Variants in DDR2 observed in about 807,000 individuals in gnomAD.
DDR2 encodes discoidin domain-containing receptor 2.
A neutral mutation model predicts 94.9 loss-of-function variants in DDR2; 27 were observed. The ratio of observed to expected loss-of-function variants is 0.28; its 90% CI spans 0.21 to 0.39. DDR2 has a LOEUF of 0.39. Ranked by LOEUF, DDR2 falls within the 10% of genes least tolerant of loss-of-function variation. DDR2 has a pLI of 1.00. For synonymous variants in DDR2, 382 were observed against 377.2 expected, an observed-to-expected ratio of 1.01 and a Z score of -0.15; for missense variants, 783 against 1,076.0, an observed-to-expected ratio of 0.73 and a Z score of 3.81.
intron 3 of DDR2, among the ~76,000 whole-genome samples, chr1:162,728,562 G>T (rs1661838000): frequency 6.6e-6 from 1 of 152,096 alleles, no homozygotes; most frequent in East Asian, 1.9e-4. Flanking sequence ...ATGATCAAAG[G>T]CCTTGTCTTC....
At position 162,780,403 on chromosome 1, in the gene DDR2, C is replaced by G. The variant is rs1295408978; in HGVS notation, c.*157C>G. The G allele has an allele frequency of 1.9e-6, 2 of 1,028,912 alleles. No homozygotes were observed. Among genetic ancestry groups the G allele is most frequent in the Non-Finnish European group, 2.8e-6 (2 of 712,198 alleles). 63.7% of individuals were successfully genotyped at this position (1,028,912 alleles called of 1,614,324 possible). ...TTTTCCTGGTCACCCCCACTCCCTA[C>G]CCCTGACTCATATACACTTTTTTTT... On this transcript the variant is annotated 3_prime_UTR_variant, in exon 18 of 18. Transcript: ENST00000367921.
In DDR2 at chr1:162,750,649, A is replaced by C. The variant is rs549307495; in HGVS notation, c.83-2446A>C. On this transcript the variant is annotated intron_variant, in intron 3 of 17. Transcript: ENST00000367921. The stretch of plus-strand genomic sequence containing the variant: ...TCACAGAATTGGAAAAAACTACTTT[A>C]AAGTTCATATGGAACCAAAAAAGAG... Among the ~76,000 whole-genome samples the C allele has an allele frequency of 1.1e-3, 171 of 152,340 alleles. 1 individual carries two copies. The Middle Eastern group carries it at 0.017, about 15-fold the overall frequency.
chr1:162,670,021 A>C (rs1658755985), intron 2 of DDR2, among the ~76,000 whole-genome samples: 1 of 139,042 alleles, frequency 7.2e-6, no homozygotes, highest in African/African-American at 2.9e-5. Context: ...AAAATTCCTG[A>C]AAAGAGTTTG....
intron 2 of DDR2, among the ~76,000 whole-genome samples, chr1:162,692,349 A>C (rs1236687739): frequency 6.6e-6 from 1 of 152,240 alleles, no homozygotes; most frequent in African/African-American, 2.4e-5. Context: ...ATTTATGTTT[A>C]TCAAAAGTCA....
chr1:162,703,596 G>C (rs1660526217), intron 2 of DDR2, among the ~76,000 whole-genome samples: 1 of 152,146 alleles, frequency 6.6e-6, no homozygotes, highest in Non-Finnish European at 1.5e-5. Context: ...ACCTACTATA[G>C]GTGAATTCAT....
rs987747246 is a variant in DDR2 at position 162,781,688 on chromosome 1, G to C, written c.*1442G>C. 6.6e-6 allele frequency: 1 copy of C among 152,170 alleles called. No individual in the cohort carries two copies. Among genetic ancestry groups the C allele is most frequent in the Non-Finnish European group, 1.5e-5 (1 of 68,042 alleles). 9.4% of individuals were successfully genotyped at this position (152,170 alleles called of 1,614,324 possible). The stretch of plus-strand genomic sequence containing the variant: ...GCAGAAAAGAAAGCTCAGGGCTGTG[G>C]CTTCAGAATTCATGGAAACAGAGCC... On this transcript the variant is annotated 3_prime_UTR_variant, in exon 18 of 18. Transcript: ENST00000367921.
chr1:162,671,191 C>G (rs914981603), intron 2 of DDR2, among the ~76,000 whole-genome samples: 1 of 152,000 alleles, frequency 6.6e-6, no homozygotes, highest in Admixed American at 6.6e-5. Context: ...AGGAGAAGGT[C>G]GTGGGGCACA....
chr1:162,712,650 A>G (rs182433325), intron 2 of DDR2, among the ~76,000 whole-genome samples: 8 of 152,216 alleles, frequency 5.3e-5, no homozygotes, highest in African/African-American at 1.9e-4. Context: ...TCAATTTGGA[A>G]TGTCCATCCA....
At chr1:162,741,214 T>TACAATACAATAC (rs1558057361) in intron 3 of DDR2, among the ~76,000 whole-genome samples, 6 of 88,432 alleles carry the variant, frequency 6.8e-5, no homozygotes, top group African/African-American at 2.7e-4. Context: ...CAATACAATA[T>TACAATACAATAC]AATATAATAT....
intron 2 of DDR2, among the ~76,000 whole-genome samples, chr1:162,682,278 G>A (rs907190586): frequency 6.6e-6 from 1 of 152,180 alleles, no homozygotes; most frequent in Non-Finnish European, 1.5e-5. Context: ...CACTTGGCCT[G>A]CCATTGATTT....
intron 9 of DDR2, among the ~76,000 whole-genome samples, chr1:162,764,392 T>TA (rs375251287): frequency 0.73 from 89,408 of 121,960 alleles, 32,797 homozygotes; most frequent in Middle Eastern, 0.86. Context: ...CAGAATGCTT[T>TA]AAAAAAAAAA....
In DDR2 at chr1:162,780,490, A is replaced by T. The variant is rs1647846710; in HGVS notation, c.*244A>T. The T allele has an allele frequency of 4.1e-6, 2 of 490,144 alleles. No individual in the cohort carries two copies. The highest frequency in any genetic ancestry group is 7.1e-6 in the Non-Finnish European group (2 of 280,158). The allele number at this position is 490,144 out of a possible 1,614,324, so 30.4% of individuals were successfully genotyped here. On this transcript the variant is annotated 3_prime_UTR_variant, in exon 18 of 18. Transcript: ENST00000367921. ...AGCCTAGGGCAGATACAATCTAGTA[A>T]AAGAAAATCTTTGATATACCAAAGT...
intron 2 of DDR2, among the ~76,000 whole-genome samples, chr1:162,660,890 G>C (rs1190663156): frequency 6.6e-6 from 1 of 152,218 alleles, no homozygotes; most frequent in African/African-American, 2.4e-5. Context: ...AGTTGTAAAG[G>C]AGACTGCATG....
intron 10 of DDR2, among the ~76,000 whole-genome samples, chr1:162,766,531 C>T (rs1663996454): frequency 6.6e-6 from 1 of 152,216 alleles, no homozygotes; most frequent in Non-Finnish European, 1.5e-5. Context: ...GGACTTTCAG[C>T]TACCTTGGCA....
intron 2 of DDR2, among the ~76,000 whole-genome samples, chr1:162,703,604 C>A: frequency 6.6e-6 from 1 of 152,136 alleles, no homozygotes; most frequent in Non-Finnish European, 1.5e-5. Context: ...TAGGTGAATT[C>A]ATGAATATTT....
intron 17 of DDR2, 74 bp from the exon 18 acceptor site, chr1:162,780,038 A>G (rs2102210631): frequency 6.3e-7 from 1 of 1,593,712 alleles, no homozygotes; most frequent in East Asian, 2.2e-5. Flanking sequence ...ATGCAAAGAT[A>G]CTTCCCTTTC....
intron 3 of DDR2, among the ~76,000 whole-genome samples, chr1:162,725,391 T>C (rs1661611712): frequency 6.6e-6 from 1 of 152,192 alleles, no homozygotes; most frequent in Non-Finnish European, 1.5e-5. Flanking sequence ...TTTTTGTTTG[T>C]TTTTGGAGAG....
intron 1 of DDR2, among the ~76,000 whole-genome samples, chr1:162,635,611 C>G (rs1355944776): frequency 6.6e-6 from 1 of 152,178 alleles, no homozygotes; most frequent in Non-Finnish European, 1.5e-5. Flanking sequence ...ATGAATTGAT[C>G]GACTCTGTCC....
chr1:162,684,066 T>A (rs916878376), intron 2 of DDR2, among the ~76,000 whole-genome samples: 3 of 152,162 alleles, frequency 2.0e-5, no homozygotes, highest in African/African-American at 7.2e-5. Flanking sequence ...CAATAAAGAA[T>A]TCAGAAATAG....
Sources: gnomAD v4.1 joint callset for allele counts (sites outside exome capture counted in the v4.1 genomes callset) on GRCh38, gnomAD v4.1.1 for gene constraint, MANE v1.5 for transcripts, NCBI Gene and HGNC (gene_info 2026-07-23, HGNC 2026-07-21) for gene names.